Variants in MMAA observed in about 807,000 individuals in gnomAD.
MMAA encodes the protein methylmalonic aciduria type A protein, mitochondrial.
MMAA carries 41 observed loss-of-function variants against 45.0 expected under a neutral mutation model. The observed-to-expected ratio is 0.91, with a 90% CI of 0.71 to 1.18. The LOEUF (loss-of-function observed/expected upper bound fraction) is 1.18, where lower values mean the gene tolerates loss of function less well. Ranked by LOEUF, MMAA falls within the 50% of genes most tolerant of loss-of-function variation. The pLI is 0.00. For synonymous variants in MMAA, 154 were observed against 178.2 expected (o/e 0.86, Z 1.08); for missense variants, 460 against 495.7 (o/e 0.93, Z 0.68).
At chr4:145,653,046 T>A (rs1263441474) in intron 5 of MMAA, among the ~76,000 whole-genome samples, 1 of 151,894 alleles carries the variant, frequency 6.6e-6, no homozygotes, top group East Asian at 1.9e-4. Context: ...ATTTTTTAAT[T>A]TTTTTTTCTA....
intron 4 of MMAA, 122 bp downstream of exon 4, chr4:145,646,278 A>G: frequency 9.5e-7 from 1 of 1,055,854 alleles, no homozygotes; most frequent in Non-Finnish European, 1.4e-6. Context: ...AATACAAGAT[A>G]TCCCATACTC....
intron 1 of MMAA, among the ~76,000 whole-genome samples, chr4:145,627,347 G>T (rs1342099553): frequency 1.3e-5 from 2 of 152,140 alleles, no homozygotes; most frequent in Non-Finnish European, 2.9e-5. Flanking sequence ...AGGAAACTTA[G>T]AAGGCAAAAT....
At chr4:145,620,329 T>C (rs1734064356) in intron 1 of MMAA, among the ~76,000 whole-genome samples, 1 of 152,182 alleles carries the variant, frequency 6.6e-6, no homozygotes, top group South Asian at 2.1e-4. Flanking sequence ...GAAATGTAAA[T>C]CACCATTTGA....
At chr4:145,648,058 A>G (rs924411072) in intron 4 of MMAA, among the ~76,000 whole-genome samples, 3 of 137,042 alleles carry the variant, frequency 2.2e-5, no homozygotes, top group Admixed American at 7.5e-5. Context: ...ACAGGGTTTC[A>G]CCGTGTTAGC....
rs148142853 is a variant in MMAA, at chr4:145,654,115, G to A, written c.941G>A (p.Arg314His). ...TATGTGAGTGCACTGAAATTACTCC[G>A]CAAACGTTCACAAGTCTGGAAACCA... Reference protein sequence around the residue: ...AEYVSALKLLRKRSQVWKPKV... With the variant: ...AEYVSALKLLHKRSQVWKPKV... The change falls in exon 6 of 7, where the codon CGC becomes CAC. Residue 314 changes from arginine to histidine, a missense_variant. Physicochemically the swap from Arg to His is conservative, Grantham distance 29. Transcript: ENST00000649156. The A allele has an allele frequency of 1.7e-4, 273 of 1,613,986 alleles. 1 individual carries two copies. Among genetic ancestry groups the A allele is most frequent in the Middle Eastern group, 3.3e-4 (2 of 6,084 alleles).
intron 1 of MMAA, chr4:145,625,560 G>T: frequency 1.3e-6 from 1 of 760,220 alleles, no homozygotes; most frequent in Non-Finnish European, 2.5e-6. Context: ...AATTTGAATT[G>T]TTTTGAGAGA....
At chr4:145,631,281 A>C (rs915918855) in intron 1 of MMAA, among the ~76,000 whole-genome samples, 1 of 152,150 alleles carries the variant, frequency 6.6e-6, no homozygotes, top group Non-Finnish European at 1.5e-5. Context: ...ATTGGGGTCT[A>C]TCTCTCTATC....
intron 1 of MMAA, chr4:145,624,332 G>A: frequency 1.3e-6 from 1 of 788,582 alleles, no homozygotes; most frequent in East Asian, 2.4e-5. Flanking sequence ...GCAGTCACTT[G>A]TCTTCTCCAG....
chr4:145,631,489 G>A (rs570735471), intron 1 of MMAA, among the ~76,000 whole-genome samples: 1 of 151,990 alleles, frequency 6.6e-6, no homozygotes, highest in South Asian at 2.1e-4. Context: ...GTTTCCATTG[G>A]CATGGAATAA....
At chr4:145,634,468 C>T (rs1727551455) in intron 1 of MMAA, among the ~76,000 whole-genome samples, 1 of 152,070 alleles carries the variant, frequency 6.6e-6, no homozygotes, top group Non-Finnish European at 1.5e-5. Flanking sequence ...AGTGGGCTCC[C>T]CTCTGGCCCA....
At chr4:145,627,464 T>TA (rs1053045840) in intron 1 of MMAA, among the ~76,000 whole-genome samples, 17 of 149,398 alleles carry the variant, frequency 1.1e-4, no homozygotes, top group Admixed American at 2.7e-4. Context: ...TTCATGAACC[T>TA]AAAAAAAAAA....
chr4:145,632,789 G>T (rs1480270456), intron 1 of MMAA, among the ~76,000 whole-genome samples: 5 of 149,204 alleles, frequency 3.4e-5, no homozygotes, highest in African/African-American at 5.0e-5. Flanking sequence ...CAGGGGTCTT[G>T]CTCTGTCACC....
At chr4:145,634,063 C>T (rs1056676522) in intron 1 of MMAA, among the ~76,000 whole-genome samples, 2 of 152,202 alleles carry the variant, frequency 1.3e-5, no homozygotes, top group African/African-American at 2.4e-5. Context: ...AACTACCTGA[C>T]TATCACTTAT....
intron 1 of MMAA, chr4:145,626,059 G>GAGAGGCACTGGGACC: frequency 9.6e-7 from 1 of 1,045,288 alleles, no homozygotes; most frequent in Non-Finnish European, 1.4e-6. Flanking sequence ...CCAGGTCCCA[G>GAGAGGCACTGGGACC]TGCCTCTCTG....
chr4:145,629,017 G>A (rs1370316960), intron 1 of MMAA, among the ~76,000 whole-genome samples: 3 of 151,990 alleles, frequency 2.0e-5, no homozygotes, highest in Admixed American at 6.6e-5. Context: ...TATAAACATC[G>A]AAGGAATGTT....
At chr4:145,630,587 G>T (rs1341480651) in intron 1 of MMAA, among the ~76,000 whole-genome samples, 1 of 152,166 alleles carries the variant, frequency 6.6e-6, no homozygotes, top group Non-Finnish European at 1.5e-5. Flanking sequence ...AATTAGCCGG[G>T]CATGGCGGCA....
intron 1 of MMAA, among the ~76,000 whole-genome samples, chr4:145,623,004 C>T (rs1161312720): frequency 6.6e-6 from 1 of 152,172 alleles, no homozygotes; most frequent in Non-Finnish European, 1.5e-5. Context: ...GCAAATATAT[C>T]TTAGAGAATT....
chr4:145,637,582 T>A (rs1727647808), intron 1 of MMAA, among the ~76,000 whole-genome samples: 1 of 152,166 alleles, frequency 6.6e-6, no homozygotes, highest in Non-Finnish European at 1.5e-5. Flanking sequence ...ATTAATTTCA[T>A]GTTCATCGGC....
At chr4:145,634,730 G>A (rs566535655) in intron 1 of MMAA, among the ~76,000 whole-genome samples, 1 of 151,934 alleles carries the variant, frequency 6.6e-6, no homozygotes, top group Non-Finnish European at 1.5e-5. Context: ...GTAGTACCTT[G>A]GTATTGCTGC....
Sources: allele counts gnomAD v4.1 joint callset (sites outside exome capture counted in the v4.1 genomes callset), GRCh38; gene constraint gnomAD v4.1.1; transcripts MANE v1.5; gene names NCBI Gene and HGNC (gene_info 2026-07-23, HGNC 2026-07-21).